The following EVI2B variants were observed in gnomAD, a reference collection of about 807,000 sequenced individuals.
EVI2B encodes protein EVI2B.
EVI2B carries 4 observed loss-of-function variants against 6.6 expected under a neutral mutation model. The observed-to-expected ratio is 0.61, with a 90% CI of 0.30 to 1.39. The LOEUF is 1.39. Ranked by LOEUF, EVI2B falls within the 40% of genes most tolerant of loss-of-function variation. EVI2B has a pLI of 0.08. For synonymous variants in EVI2B, 181 were observed against 186.8 expected (o/e 0.97, Z 0.25); for missense variants, 484 against 516.6 (o/e 0.94, Z 0.61).
intron 1 of EVI2B, among the ~76,000 whole-genome samples, chr17:31,306,857 C>G (rs980177816): frequency 2.0e-5 from 3 of 151,262 alleles, no homozygotes; most frequent in East Asian, 1.9e-4. Context: ...GTGATAGAAG[C>G]AAACAGTAAA....
Position 31,304,284 on chromosome 17 carries a change from A to G in EVI2B, c.1326T>C (p.Pro442=), listed in dbSNP as rs2068646345. ...ATATTTATAACAGTTCTGCAGGTGGAGGTGGCAGGGATTCATTAAGATCTT... is the reference window on the plus strand; with the variant it reads ...ATATTTATAACAGTTCTGCAGGTGGGGGTGGCAGGGATTCATTAAGATCTT... ...SDQDLNESLP[P]PPAELL The change falls in exon 2 of 2, where the codon CCT becomes CCC. Residue 442 remains proline, a synonymous_variant. Coordinates refer to ENST00000330927, the MANE Select transcript of EVI2B (RefSeq NM_006495.4). 1 of 1,610,908 alleles carries G rather than the reference A, an allele frequency of 6.2e-7. No homozygotes were observed.
At chr17:31,312,957 A>G (rs1298805478) in intron 1 of EVI2B, among the ~76,000 whole-genome samples, 1 of 152,290 alleles carries the variant, frequency 6.6e-6, no homozygotes, top group Non-Finnish European at 1.5e-5. Context: ...ATCTTATACT[A>G]TGTTCTAAAG....
At chr17:31,313,011 G>A (rs565164468) in intron 1 of EVI2B, among the ~76,000 whole-genome samples, 13 of 152,042 alleles carry the variant, frequency 8.6e-5, no homozygotes, top group South Asian at 8.3e-4. Context: ...ATTAATATAC[G>A]CATGCATGTT....
Position 31,304,179 on chromosome 17 carries a change from A to G in EVI2B, c.*84T>C. The G allele has an allele frequency of 2.7e-5, 35 of 1,317,758 alleles. No individual in the cohort carries two copies. The highest frequency in any genetic ancestry group is 3.1e-5 in the Non-Finnish European group (30 of 960,948). The allele number at this position is 1,317,758 out of a possible 1,614,324, so 81.6% of individuals were successfully genotyped here. On this transcript the variant is annotated 3_prime_UTR_variant, in exon 2 of 2. Transcript: ENST00000330927. ...TGAATAAAAATCAAAATTGACTATC[A>G]GTTGCCATTTTATATATGTTAACAT... is the stretch of plus-strand genomic sequence containing the variant.
At chr17:31,310,018 A>G (rs1316548091) in intron 1 of EVI2B, among the ~76,000 whole-genome samples, 3 of 152,208 alleles carry the variant, frequency 2.0e-5, no homozygotes, top group Non-Finnish European at 4.4e-5. Context: ...GAAAGATTTA[A>G]AAGAGGAATA....
intron 1 of EVI2B, among the ~76,000 whole-genome samples, chr17:31,311,153 A>G (rs936327217): frequency 3.3e-5 from 5 of 152,024 alleles, no homozygotes; most frequent in African/African-American, 9.7e-5. Flanking sequence ...GGGTTTCACC[A>G]TGTCACCCAG....
chr17:31,307,928 T>A, intron 1 of EVI2B: 2 of 1,288,930 alleles, frequency 1.6e-6, no homozygotes, highest in Non-Finnish European at 2.0e-6. Flanking sequence ...CTTACTCCTC[T>A]ACCACTTGGT....
chr17:31,310,777 G>A (rs1042061359), intron 1 of EVI2B, among the ~76,000 whole-genome samples: 3 of 151,900 alleles, frequency 2.0e-5, no homozygotes, highest in East Asian at 3.9e-4. Context: ...CTCATATGCC[G>A]GTTTTTACTC....
chr17:31,313,469 G>A (rs1003945397), intron 1 of EVI2B, among the ~76,000 whole-genome samples: 4 of 152,020 alleles, frequency 2.6e-5, no homozygotes, highest in African/African-American at 9.6e-5. Flanking sequence ...TTTGGGAGGC[G>A]GAGGTAAGCG....
chr17:31,310,715 A>G (rs942809824), intron 1 of EVI2B, among the ~76,000 whole-genome samples: 7 of 151,936 alleles, frequency 4.6e-5, no homozygotes, highest in African/African-American at 1.2e-4. Flanking sequence ...TACGTTTTAT[A>G]TAGAGTTTTC....
chr17:31,313,750 GTGTGTGT>G (rs1346923556), intron 1 of EVI2B, among the ~76,000 whole-genome samples: 1 of 150,222 alleles, frequency 6.7e-6, no homozygotes, highest in Non-Finnish European at 1.5e-5. Flanking sequence ...GTGTGTGTGT[GTGTGTGT>G]GAGATTAAAT....
chr17:31,304,128 G>T lies in EVI2B; in HGVS notation c.*135C>A. 1.2e-6 allele frequency: 1 copy of T among 869,318 alleles called. No individual in the cohort carries two copies. The highest frequency in any genetic ancestry group is 1.7e-6 in the Non-Finnish European group (1 of 575,574). 53.9% of individuals were successfully genotyped at this position (869,318 alleles called of 1,614,324 possible). On this transcript the variant is annotated 3_prime_UTR_variant, in exon 2 of 2. Transcript: ENST00000330927. ...AAAAAAGTTTCATCTATGCACATAG[G>T]CTCTGAGCAGATTTCAGATAGTTCC...
Position 31,304,538 on chromosome 17 carries a change from G to T in EVI2B, c.1072C>A (p.Pro358Thr). Reference sequence around the variant, plus strand: ...AGAGGAGATACAATTGTCATTGTGGGTTTGTCAGATTGGTTACTTTCCTGT... The same window carrying T: ...AGAGGAGATACAATTGTCATTGTGGTTTTGTCAGATTGGTTACTTTCCTGT... ...EGQESNQSDK[P>T]TMTIVSPLPN... The change falls in exon 2 of 2, where the codon CCC becomes ACC. Residue 358 changes from proline (P) to threonine (T), a missense_variant. By Grantham distance (38) the Pro-to-Thr change is conservative. Transcript: ENST00000330927. 1.2e-6 allele frequency: 2 copies of T among 1,614,184 alleles called. No homozygotes were observed. The highest frequency in any genetic ancestry group is 1.1e-5 in the South Asian group (1 of 91,086).
intron 1 of EVI2B, among the ~76,000 whole-genome samples, chr17:31,311,296 T>A (rs1467340558): frequency 2.0e-5 from 3 of 151,974 alleles, no homozygotes; most frequent in Non-Finnish European, 2.9e-5. Flanking sequence ...ACTTAAAGGG[T>A]CCAGCATTTA....
At chr17:31,311,295 G>T (rs1333785937) in intron 1 of EVI2B, among the ~76,000 whole-genome samples, 1 of 151,946 alleles carries the variant, frequency 6.6e-6, no homozygotes, top group Non-Finnish European at 1.5e-5. Context: ...TACTTAAAGG[G>T]TCCAGCATTT....
chr17:31,305,121 AAC>A lies in EVI2B; in HGVS notation c.487_488del (p.Val163SerfsTer2), dbSNP rs1386228200. Reference protein sequence around the residue: ...VQIPSRKQITVHNPSTQPTST... With the variant: ...VQIPSRKQITXHNPSTQPTST... ...ATGTTGGTTGTGTGGATGGATTATG[AAC>A]AGTTATTTGTTTTCTAGAAGGGATC... On this transcript the variant is annotated frameshift_variant, in exon 2 of 2. Coordinates refer to ENST00000330927, the MANE Select transcript of EVI2B (RefSeq NM_006495.4). LOFTEE classifies it low-confidence loss of function (END_TRUNC). The A allele has an allele frequency of 1.9e-6, 3 of 1,614,064 alleles. No homozygotes were observed. In the African/African-American group the frequency reaches 4.0e-5, roughly 22 times the overall value.
At chr17:31,309,799 A>G (rs1251897553) in intron 1 of EVI2B, among the ~76,000 whole-genome samples, 1 of 152,180 alleles carries the variant, frequency 6.6e-6, no homozygotes, top group Non-Finnish European at 1.5e-5. Context: ...TGTCAGTAGT[A>G]AGCTGGTGGA....
chr17:31,307,774 G>A (rs959838170), intron 1 of EVI2B: 1 of 625,114 alleles, frequency 1.6e-6, no homozygotes, highest in African/African-American at 1.9e-5. Context: ...AAATCTTAGG[G>A]TGTTAGATAT....
intron 1 of EVI2B, among the ~76,000 whole-genome samples, chr17:31,311,498 G>A (rs2068875329): frequency 6.6e-6 from 1 of 152,172 alleles, no homozygotes; most frequent in South Asian, 2.1e-4. Flanking sequence ...AACTAGTGAA[G>A]TTTTGAAACC....
Sources: allele counts gnomAD v4.1 joint callset (sites outside exome capture counted in the v4.1 genomes callset), GRCh38; gene constraint gnomAD v4.1.1; transcripts MANE v1.5; gene names NCBI Gene and HGNC (gene_info 2026-07-23, HGNC 2026-07-21).